GRID2: variants seen among roughly 807,000 people sequenced by gnomAD.
GRID2 encodes the protein glutamate ionotropic receptor delta type subunit 2.
In GRID2, 33 loss-of-function variants were observed where a neutral mutation model predicts 114.8. The observed-to-expected ratio is 0.29, with a 90% CI of 0.22 to 0.38. The LOEUF (loss-of-function observed/expected upper bound fraction) is 0.38, where lower values mean the gene tolerates loss of function less well. Ranked by LOEUF, GRID2 falls within the 10% of genes least tolerant of loss-of-function variation. The probability of loss-of-function intolerance (pLI) is 1.00; values close to 1 mark genes in which losing one functional copy is unlikely to be tolerated. For missense variants in GRID2, 1,184 were observed against 1,257.7 expected (o/e 0.94, Z 0.89); for synonymous variants, 505 against 449.9 (o/e 1.12, Z -1.55).
At chr4:92,735,892 A>G in intron 2 of GRID2, among the ~76,000 whole-genome samples, 1 of 152,192 alleles carries the variant, frequency 6.6e-6, no homozygotes, top group Middle Eastern at 3.4e-3. Flanking sequence ...GTATTTATAA[A>G]TTTAAAAATT....
At chr4:92,786,751 G>T (rs1408898503) in intron 2 of GRID2, among the ~76,000 whole-genome samples, 2 of 151,852 alleles carry the variant, frequency 1.3e-5, no homozygotes, top group Non-Finnish European at 2.9e-5. Flanking sequence ...CTCTGAAGAG[G>T]CAGAATATTC....
At chr4:93,769,083 C>A (rs908337119) in intron 14 of GRID2, 127 bp from the exon 15 acceptor site, 3 of 819,588 alleles carry the variant, frequency 3.7e-6, no homozygotes, top group Non-Finnish European at 5.9e-6. Context: ...CTAAAACAAG[C>A]AGATCTATAT....
Position 93,510,035 on chromosome 4 carries a change from A to G in GRID2, c.1998-5181A>G, listed in dbSNP as rs112195764. On this transcript the variant is annotated intron_variant, in intron 12 of 15. Transcript: ENST00000282020. Reference sequence around the variant, plus strand: ...AAAACTGAGAAGAGAATAGGGGGGAACCTAAACTGAGTTGGAGGATGCTTG... The same window carrying G: ...AAAACTGAGAAGAGAATAGGGGGGAGCCTAAACTGAGTTGGAGGATGCTTG... 2.3e-3 allele frequency among the ~76,000 whole-genome samples: 349 copies of G among 152,174 alleles called. 2 individuals carry two copies. Among genetic ancestry groups the G allele is most frequent in the African/African-American group, 7.9e-3 (326 of 41,510 alleles).
At chr4:93,732,146 A>C (rs925604714) in intron 14 of GRID2, among the ~76,000 whole-genome samples, 2 of 152,230 alleles carry the variant, frequency 1.3e-5, no homozygotes, top group Admixed American at 6.5e-5. Flanking sequence ...CATAGGAGAA[A>C]GCTAACATGC....
At chr4:92,377,687 C>T (rs1446975723) in intron 1 of GRID2, among the ~76,000 whole-genome samples, 1 of 152,086 alleles carries the variant, frequency 6.6e-6, no homozygotes, top group Non-Finnish European at 1.5e-5. Context: ...GGGGAGGCCT[C>T]ACAATTATGG....
intron 2 of GRID2, among the ~76,000 whole-genome samples, chr4:92,768,000 A>T (rs1021595020): frequency 2.0e-5 from 3 of 152,058 alleles, no homozygotes; most frequent in Non-Finnish European, 4.4e-5. Flanking sequence ...TCTTCTAATT[A>T]TTATTATATC....
intron 2 of GRID2, among the ~76,000 whole-genome samples, chr4:92,892,949 T>C (rs1235963283): frequency 6.6e-6 from 1 of 152,160 alleles, no homozygotes. Flanking sequence ...ACAGCAAACA[T>C]GAAATATGAA....
intron 1 of GRID2, among the ~76,000 whole-genome samples, chr4:92,468,154 T>G (rs1721849502): frequency 6.6e-6 from 1 of 152,056 alleles, no homozygotes; most frequent in South Asian, 2.1e-4. Flanking sequence ...GAGATACAAA[T>G]GAAATACTAT....
At chr4:92,906,548 G>C (rs1747971362) in intron 2 of GRID2, among the ~76,000 whole-genome samples, 1 of 152,008 alleles carries the variant, frequency 6.6e-6, no homozygotes. Context: ...TGCCCCTTTA[G>C]TTTCTAAACT....
At chr4:93,598,188 G>A (rs897631296) in intron 13 of GRID2, among the ~76,000 whole-genome samples, 2 of 152,080 alleles carry the variant, frequency 1.3e-5, no homozygotes, top group Non-Finnish European at 2.9e-5. Flanking sequence ...TTTCACACCC[G>A]GGCGGTCTGA....
At chr4:93,750,095 T>C (rs749682118) in intron 14 of GRID2, among the ~76,000 whole-genome samples, 4 of 152,210 alleles carry the variant, frequency 2.6e-5, no homozygotes, top group Non-Finnish European at 5.9e-5. Context: ...ATCGAACGCA[T>C]CCTCTGTGCA....
chr4:92,685,901 T>C (rs917439991), intron 2 of GRID2, among the ~76,000 whole-genome samples: 1 of 152,120 alleles, frequency 6.6e-6, no homozygotes, highest in Non-Finnish European at 1.5e-5. Context: ...AGTATGATTT[T>C]GTACAATATG....
intron 1 of GRID2, among the ~76,000 whole-genome samples, chr4:92,530,855 T>G (rs1279362477): frequency 6.6e-6 from 1 of 151,698 alleles, no homozygotes; most frequent in African/African-American, 2.4e-5. Context: ...TTCAGTGAGC[T>G]GAGATCATGC....
intron 1 of GRID2, among the ~76,000 whole-genome samples, chr4:93,782,258 A>G (rs113582823): frequency 9.3e-4 from 142 of 152,240 alleles, no homozygotes; most frequent in African/African-American, 3.3e-3. Context: ...GCAGACAGAC[A>G]TACCTGAATG....
rs572873776 is a variant in GRID2, at chr4:92,404,789, C to T, written c.88+100045C>T. The stretch of plus-strand genomic sequence containing the variant: ...GCAAACTAACACAGGAACAGAAAAC[C>T]AAGCACCACATGTTCTCATTTAAAA... On this transcript the variant is annotated intron_variant, in intron 1 of 15. Transcript: ENST00000282020. 5.3e-5 allele frequency among the ~76,000 whole-genome samples: 8 copies of T among 152,260 alleles called. No homozygotes were observed. The South Asian group carries it at 1.7e-3, about 32-fold the overall frequency.
At chr4:93,192,669 C>A (rs1302951443) in intron 4 of GRID2, among the ~76,000 whole-genome samples, 2 of 150,412 alleles carry the variant, frequency 1.3e-5, no homozygotes, top group African/African-American at 4.9e-5. Flanking sequence ...ATTGCTTGAA[C>A]CTGGGAGGCA....
At chr4:93,597,456 G>C (rs71599286) in intron 13 of GRID2, among the ~76,000 whole-genome samples, 1 of 152,262 alleles carries the variant, frequency 6.6e-6, no homozygotes, top group African/African-American at 2.4e-5. Context: ...CCTAGGATGC[G>C]TTAGGAGTCA....
chr4:92,970,025 G>A (rs1375853886), intron 2 of GRID2, among the ~76,000 whole-genome samples: 3 of 151,906 alleles, frequency 2.0e-5, no homozygotes, highest in African/African-American at 2.4e-5. Context: ...ATGGAAAAAT[G>A]TTTCTTAAAA....
At chr4:93,625,381 T>C (rs1006429776) in intron 13 of GRID2, among the ~76,000 whole-genome samples, 6 of 152,196 alleles carry the variant, frequency 3.9e-5, no homozygotes, top group Admixed American at 3.9e-4. Context: ...CACTCAGGGG[T>C]CATTTTACTA....
Sources: gnomAD v4.1 joint callset for allele counts (sites outside exome capture counted in the v4.1 genomes callset) on GRCh38, gnomAD v4.1.1 for gene constraint, MANE v1.5 for transcripts, NCBI Gene and HGNC (gene_info 2026-07-23, HGNC 2026-07-21) for gene names.